THRAP3: variants seen among roughly 807,000 people sequenced by gnomAD.
THRAP3 encodes the protein thyroid hormone receptor-associated protein 3.
Under a neutral mutation model 101.0 loss-of-function variants are expected in THRAP3, and 16 were observed. That is an observed-to-expected ratio of 0.16 (90% CI 0.11 to 0.24). The LOEUF (loss-of-function observed/expected upper bound fraction) is 0.24. THRAP3 is among the 10% of genes least tolerant of loss of function. The pLI, the probability that THRAP3 is intolerant of heterozygous loss-of-function variation, is 1.00. For missense variants in THRAP3, 989 were observed against 1,202.7 expected, an observed-to-expected ratio of 0.82 and a Z score of 2.63; for synonymous variants, 407 against 422.6, an observed-to-expected ratio of 0.96 and a Z score of 0.45.
intron 2 of THRAP3, among the ~76,000 whole-genome samples, chr1:36,260,020 T>TCAAGA (rs1247631709): frequency 6.6e-6 from 1 of 151,748 alleles, no homozygotes; most frequent in Non-Finnish European, 1.5e-5. Flanking sequence ...AGGCAGGTGA[T>TCAAGA]CACTTGAGGT....
rs1421049261 is a variant in THRAP3 at position 36,299,397 on chromosome 1, C to T, written c.2304-1489C>T. On this transcript the variant is annotated intron_variant, in intron 9 of 11. Transcript: ENST00000354618. ...GAGGTTGCAGTGAGCCGAGATCGCA[C>T]GACTGCACTCCAGCCTGGCGACAGA... 3.3e-5 allele frequency among the ~76,000 whole-genome samples: 5 copies of T among 151,766 alleles called. No homozygotes were observed. In the South Asian group the frequency reaches 6.2e-4, roughly 19 times the overall value.
chr1:36,302,368 T>C (rs570310547), intron 11 of THRAP3, among the ~76,000 whole-genome samples: 12 of 152,328 alleles, frequency 7.9e-5, no homozygotes, highest in African/African-American at 2.9e-4. Context: ...GTTGGACAGC[T>C]AGGAAACAGG....
chr1:36,259,293 T>C, intron 1 of THRAP3, 89 bp from the exon 2 acceptor site: 1 of 396,602 alleles, frequency 2.5e-6, no homozygotes. Context: ...AGGGCTAAAG[T>C]AGGGTTTGTG....
chr1:36,291,305 AT>A (rs1645865153), intron 5 of THRAP3, 68 bp from the exon 6 acceptor site: 2 of 1,473,442 alleles, frequency 1.4e-6, no homozygotes, highest in South Asian at 2.6e-5. Flanking sequence ...TCAAAAAAGT[AT>A]TTTTATGGTT....
At chr1:36,214,210 G>A in the THRAP3 span, among the ~76,000 whole-genome samples, 1 of 152,304 alleles carries the variant, frequency 6.6e-6, no homozygotes, top group Non-Finnish European at 1.5e-5. Flanking sequence ...TTGGCTCTCC[G>A]TAGGTGGCAC....
intron 2 of THRAP3, among the ~76,000 whole-genome samples, chr1:36,266,743 TAA>T (rs1269794129): frequency 6.6e-6 from 1 of 152,178 alleles, no homozygotes; most frequent in Non-Finnish European, 1.5e-5. Flanking sequence ...ATGCAAGTGA[TAA>T]GTTTAAGTAC....
At chr1:36,236,412 G>A (rs1645088996) in intron 1 of THRAP3, among the ~76,000 whole-genome samples, 1 of 152,076 alleles carries the variant, frequency 6.6e-6, no homozygotes, top group Admixed American at 6.6e-5. Flanking sequence ...CTAGTAGAGA[G>A]ACAGTGCTGG....
intron 1 of THRAP3, among the ~76,000 whole-genome samples, chr1:36,253,297 C>G (rs1019656611): frequency 4.5e-4 from 69 of 152,158 alleles, no homozygotes; most frequent in African/African-American, 1.4e-3. Flanking sequence ...GCAGATAAAT[C>G]GCTTCCAATT....
Position 36,304,129 on chromosome 1 carries a change from C to G in THRAP3, c.*112C>G, listed in dbSNP as rs1646065939. 7 of 1,407,686 alleles carry G rather than the reference C, an allele frequency of 5.0e-6. No individual in the cohort carries two copies. Among genetic ancestry groups the G allele is most frequent in the South Asian group, 3.1e-5 (2 of 64,026 alleles). The allele number at this position is 1,407,686 out of a possible 1,614,324, so 87.2% of individuals were successfully genotyped here. On this transcript the variant is annotated 3_prime_UTR_variant, in exon 12 of 12. Transcript: ENST00000354618. ...GATTCTGAAAATCCTACCCCCACCC[C>G]CCACCAGCCGCACAGATTGTACTAC...
intron 2 of THRAP3, among the ~76,000 whole-genome samples, chr1:36,273,279 G>C (rs1455268432): frequency 6.6e-6 from 1 of 152,154 alleles, no homozygotes; most frequent in Non-Finnish European, 1.5e-5. Flanking sequence ...CTGGTTAGAG[G>C]GATAAGGAGC....
intron 3 of THRAP3, among the ~76,000 whole-genome samples, chr1:36,285,620 G>T (rs553508623): frequency 2.6e-5 from 4 of 152,174 alleles, no homozygotes; most frequent in Middle Eastern, 3.4e-3. Context: ...GCGTCCTTGG[G>T]TACTTTATGG....
intron 2 of THRAP3, among the ~76,000 whole-genome samples, chr1:36,264,161 G>T (rs61021153): frequency 9.9e-5 from 15 of 152,270 alleles, no homozygotes; most frequent in African/African-American, 3.6e-4. Flanking sequence ...CCAGGTTCAC[G>T]CCATTCTCCT....
intron 1 of THRAP3, among the ~76,000 whole-genome samples, chr1:36,245,073 A>G (rs1645215003): frequency 6.6e-6 from 1 of 151,284 alleles, no homozygotes; most frequent in Non-Finnish European, 1.5e-5. Flanking sequence ...TTGTTCCTCT[A>G]GTTGTAAGTG....
Position 36,259,400 on chromosome 1 carries a change from A to G in THRAP3, c.-116A>G, listed in dbSNP as rs1286370745. 1.0e-5 allele frequency: 4 copies of G among 398,554 alleles called. No homozygotes were observed. The highest frequency in any genetic ancestry group is 1.8e-5 in the Non-Finnish European group (4 of 226,074). The allele number at this position is 398,554 out of a possible 1,614,324, so 24.7% of individuals were successfully genotyped here. ...ATTTCAGAAGTGTATGCTGACTTGT[A>G]AAGTGAAGAAGCCAGTGGTGCTGCG... On this transcript the variant is annotated 5_prime_UTR_variant, in exon 2 of 12. Coordinates refer to ENST00000354618, the MANE Select transcript of THRAP3 (RefSeq NM_005119.4).
At chr1:36,244,839 T>G (rs1274890789) in intron 1 of THRAP3, among the ~76,000 whole-genome samples, 1 of 151,870 alleles carries the variant, frequency 6.6e-6, no homozygotes, top group African/African-American at 2.4e-5. Flanking sequence ...TGCCTCAGCC[T>G]CCTGAGTAGC....
At chr1:36,292,260 G>GTTTTTTTTTTTTTTTTTTTTTTTTTTTT (rs1553124853) in intron 6 of THRAP3, among the ~76,000 whole-genome samples, 1 of 13,112 alleles carries the variant, frequency 7.6e-5, no homozygotes, top group Non-Finnish European at 1.9e-4. Context: ...GTGTTTCTTT[G>GTTTTTTTTTTTTTTTTTTTTTTTTTTTT]TTTCTTTTTT....
At chr1:36,220,953 CAAAAAAAA>C (rs1206488922), upstream of THRAP3, among the ~76,000 whole-genome samples, 4 of 44,400 alleles carry the variant, frequency 9.0e-5, no homozygotes, top group South Asian at 7.7e-4. Flanking sequence ...GAGACTGTCT[CAAAAAAAA>C]AAAAAAAAAA....
At chr1:36,217,801 T>C in the THRAP3 span, among the ~76,000 whole-genome samples, 2 of 152,188 alleles carry the variant, frequency 1.3e-5, no homozygotes, top group Non-Finnish European at 1.5e-5. Flanking sequence ...GTGTTGTGTG[T>C]GTACTGACTG....
chr1:36,303,190 C>G (rs181100647), intron 11 of THRAP3, among the ~76,000 whole-genome samples: 1 of 139,120 alleles, frequency 7.2e-6, no homozygotes, highest in Admixed American at 8.1e-5. Context: ...TCTCGAAATT[C>G]TGAGCTCAGA....
Sources: gnomAD v4.1 joint callset for allele counts (sites outside exome capture counted in the v4.1 genomes callset) on GRCh38, gnomAD v4.1.1 for gene constraint, MANE v1.5 for transcripts, NCBI Gene and HGNC (gene_info 2026-07-23, HGNC 2026-07-21) for gene names.